The following IL1RAP variants were observed in gnomAD, a reference collection of about 807,000 sequenced individuals.
IL1RAP encodes the protein interleukin-1 receptor accessory protein.
In IL1RAP, 35 loss-of-function variants were observed where a neutral mutation model predicts 60.7. The ratio of observed to expected loss-of-function variants is 0.58; its 90% CI spans 0.44 to 0.76. IL1RAP has a LOEUF of 0.76. IL1RAP is among the 30% of genes least tolerant of loss of function. The pLI, the probability that IL1RAP is intolerant of heterozygous loss-of-function variation, is 0.00. For synonymous variants in IL1RAP, 268 were observed against 250.9 expected, an observed-to-expected ratio of 1.07 and a Z score of -0.64; for missense variants, 572 against 693.9, an observed-to-expected ratio of 0.82 and a Z score of 1.97.
intron 1 of IL1RAP, among the ~76,000 whole-genome samples, chr3:190,553,995 A>G (rs1370306131): frequency 1.5e-5 from 2 of 137,268 alleles, no homozygotes; most frequent in African/African-American, 5.6e-5. Flanking sequence ...CGGGAGGCGG[A>G]GCTTGCAGTG....
chr3:190,631,704 G>A lies in IL1RAP; in HGVS notation c.1051+2206G>A, dbSNP rs78807168. On this transcript the variant is annotated intron_variant, in intron 9 of 11. Transcript: ENST00000447382. Reference sequence around the variant, plus strand: ...CCTGGAATGAGAGAAAGACACTGGTGTAGGTCTTATTGACAGCAAAATTTC... The same window carrying A: ...CCTGGAATGAGAGAAAGACACTGGTATAGGTCTTATTGACAGCAAAATTTC... Among the ~76,000 whole-genome samples, 774 of 152,314 alleles carry A rather than the reference G, an allele frequency of 5.1e-3. 8 individuals are homozygous for A. The highest frequency in any genetic ancestry group is 8.9e-3 in the Non-Finnish European group (605 of 68,016).
At chr3:190,657,019 G>A (rs79542582) in exon 12 of IL1RAP, 4,423 of 155,264 alleles carry the variant, frequency 0.028, 190 homozygotes, top group African/African-American at 0.096. Context: ...AGCATGGAAA[G>A]GAGCTGGTTC....
At position 190,542,879 on chromosome 3, in the gene IL1RAP, A is replaced by AT. The variant is rs66937098; in HGVS notation, c.-88-13231dup. ...TGTAACATACACAAAGATTAAGGGA[A>AT]TTTTTTTTTTTTTTTTTTTTGGCTA... On this transcript the variant is annotated intron_variant, in intron 1 of 11. Transcript: ENST00000447382. Among the ~76,000 whole-genome samples the AT allele has an allele frequency of 7.5e-3, 790 of 104,772 alleles. 10 individuals carry two copies. The highest frequency in any genetic ancestry group is 0.012 in the South Asian group (35 of 2,888). The allele number at this position is 104,772 out of a possible 152,430, so 68.7% of individuals were successfully genotyped here.
intron 1 of IL1RAP, chr3:190,516,391 A>C (rs1721519598): frequency 6.6e-6 from 1 of 152,256 alleles, no homozygotes; most frequent in Admixed American, 6.5e-5. Flanking sequence ...GATCATGAGG[A>C]TGGAAGGGAG....
At chr3:190,652,109 A>C (rs1299369011), downstream of IL1RAP, among the ~76,000 whole-genome samples, 2 of 152,146 alleles carry the variant, frequency 1.3e-5, no homozygotes, top group African/African-American at 2.4e-5. Flanking sequence ...ATTTGGAAAC[A>C]TATTTTATTT....
At chr3:190,541,546 C>A (rs937295645) in intron 1 of IL1RAP, among the ~76,000 whole-genome samples, 2 of 152,144 alleles carry the variant, frequency 1.3e-5, no homozygotes, top group Admixed American at 1.3e-4. Flanking sequence ...TTGTCTTTGG[C>A]CTTGTGGTAA....
exon 12 of IL1RAP, chr3:190,656,572 G>A: frequency 6.5e-7 from 1 of 1,532,560 alleles, no homozygotes; most frequent in Non-Finnish European, 8.7e-7. Context: ...TCATTTCACG[G>A]ACTTATCCAA....
chr3:190,546,000 T>G (rs1724336932), intron 1 of IL1RAP, among the ~76,000 whole-genome samples: 1 of 152,154 alleles, frequency 6.6e-6, no homozygotes, highest in Admixed American at 6.5e-5. Context: ...GTGGCCCCAC[T>G]GCTTGGGTGA....
chr3:190,609,732 G>A (rs6781037), intron 5 of IL1RAP, among the ~76,000 whole-genome samples: 98,921 of 152,036 alleles, frequency 0.65, 33,467 homozygotes, highest in East Asian at 0.82. Context: ...CACCAAAGCC[G>A]AAACCCCACG....
chr3:190,561,207 C>G (rs1336453950), intron 2 of IL1RAP, among the ~76,000 whole-genome samples: 1 of 152,116 alleles, frequency 6.6e-6, no homozygotes, highest in East Asian at 1.9e-4. Flanking sequence ...GACGCAACAA[C>G]CAAAAGTGTA....
Position 190,522,323 on chromosome 3 carries a change from TTC to T in IL1RAP, c.-89+8105_-89+8106del, listed in dbSNP as rs1443386803. On this transcript the variant is annotated intron_variant, in intron 1 of 11. Transcript: ENST00000447382. ...CTTCCTTCCTTCCTTCCTTCCTTCC[TTC>T]CTTCCTTCCTTCCTTCCTCCCTCCC... Among the ~76,000 whole-genome samples, 638 of 148,540 alleles carry T rather than the reference TTC, an allele frequency of 4.3e-3. 4 individuals carry two copies. The highest frequency in any genetic ancestry group is 0.016 in the African/African-American group (617 of 38,726).
intron 11 of IL1RAP, among the ~76,000 whole-genome samples, chr3:190,647,926 T>A (rs929235034): frequency 2.6e-5 from 4 of 152,194 alleles, no homozygotes; most frequent in African/African-American, 9.6e-5. Context: ...AGTTTATGCA[T>A]GGTGCATGGG....
chr3:190,618,522 A>G (rs1482179048), intron 5 of IL1RAP, among the ~76,000 whole-genome samples: 2 of 152,306 alleles, frequency 1.3e-5, no homozygotes, highest in Non-Finnish European at 1.5e-5. Flanking sequence ...TTTTCCGTCT[A>G]TAAAATTACA....
intron 3 of IL1RAP, among the ~76,000 whole-genome samples, chr3:190,592,890 A>C (rs912807599): frequency 6.6e-6 from 1 of 151,834 alleles, no homozygotes; most frequent in Admixed American, 6.6e-5. Context: ...TGATTTGTCC[A>C]TACTTTTTAT....
exon 12 of IL1RAP, chr3:190,656,564 A>C: frequency 6.5e-7 from 1 of 1,535,340 alleles, no homozygotes; most frequent in Non-Finnish European, 8.7e-7. Context: ...GCTCTTCATC[A>C]TTTCACGGAC....
intron 9 of IL1RAP, among the ~76,000 whole-genome samples, chr3:190,633,753 T>C (rs987980263): frequency 5.3e-5 from 8 of 152,230 alleles, no homozygotes; most frequent in Admixed American, 2.6e-4. Flanking sequence ...TTTTGAACTT[T>C]AGGGTGGGGT....
chr3:190,546,661 C>T (rs1724395717), intron 1 of IL1RAP, among the ~76,000 whole-genome samples: 1 of 152,072 alleles, frequency 6.6e-6, no homozygotes, highest in South Asian at 2.1e-4. Context: ...AGTAAGTCAC[C>T]AAGAGATTAA....
At chr3:190,565,794 T>C (rs1726336577) in intron 3 of IL1RAP, among the ~76,000 whole-genome samples, 1 of 152,202 alleles carries the variant, frequency 6.6e-6, no homozygotes. Context: ...GATTTTAGTT[T>C]GTTCTTATTT....
chr3:190,635,986 A>T (rs937181402), intron 9 of IL1RAP, among the ~76,000 whole-genome samples: 1 of 152,114 alleles, frequency 6.6e-6, no homozygotes, highest in Non-Finnish European at 1.5e-5. Context: ...AACCGAGGGA[A>T]TGGGGAATGA....
Sources: allele counts gnomAD v4.1 joint callset (sites outside exome capture counted in the v4.1 genomes callset), GRCh38; gene constraint gnomAD v4.1.1; transcripts MANE v1.5; gene names NCBI Gene and HGNC (gene_info 2026-07-23, HGNC 2026-07-21).